DCLK2: variants seen among roughly 807,000 people sequenced by gnomAD.
DCLK2 encodes doublecortin like kinase 2.
DCLK2 carries 31 observed loss-of-function variants against 78.4 expected under a neutral mutation model. The ratio of observed to expected loss-of-function variants is 0.40; its 90% CI spans 0.30 to 0.53. The LOEUF (loss-of-function observed/expected upper bound fraction) is 0.53. DCLK2 is among the 20% of genes least tolerant of loss of function. The probability of loss-of-function intolerance (pLI) is 0.61; values close to 1 mark genes in which losing one functional copy is unlikely to be tolerated. For synonymous variants in DCLK2, 407 were observed against 374.9 expected (o/e 1.09, Z -0.99); for missense variants, 872 against 973.7 (o/e 0.90, Z 1.39).
chr4:150,185,437 A>C (rs1270057470), intron 2 of DCLK2, among the ~76,000 whole-genome samples: 2 of 151,646 alleles, frequency 1.3e-5, no homozygotes, highest in Admixed American at 1.3e-4. Flanking sequence ...TTTTTTAATC[A>C]GACCTCGCCT....
intron 1 of DCLK2, among the ~76,000 whole-genome samples, chr4:150,095,735 C>A (rs775341924): frequency 7.9e-5 from 12 of 152,116 alleles, no homozygotes; most frequent in Non-Finnish European, 1.8e-4. Flanking sequence ...GTGATTTAAC[C>A]AATTTAAAAG....
At chr4:150,148,329 C>T (rs1443344610) in intron 2 of DCLK2, among the ~76,000 whole-genome samples, 1 of 150,616 alleles carries the variant, frequency 6.6e-6, no homozygotes, top group Non-Finnish European at 1.5e-5. Flanking sequence ...GGTGTCATTG[C>T]ACTCCAGCCT....
rs199713933 is a variant in DCLK2, at chr4:150,102,828, C to A, written c.756+16C>A. 46 of 1,573,064 alleles carry A rather than the reference C, an allele frequency of 2.9e-5. No individual in the cohort carries two copies. In the East Asian group the frequency reaches 1.0e-3, roughly 35 times the overall value. On this transcript the variant is annotated intron_variant, in intron 2 of 15. Coordinates refer to ENST00000296550, the MANE Select transcript of DCLK2 (RefSeq NM_001040260.4). ...TGGAAAGCAGGTAAGATGCTTCTAG[C>A]TCCCAGCTCTCCATCTGACTTTTAA... is the stretch of plus-strand genomic sequence containing the variant.
chr4:150,176,029 G>A (rs181515192), intron 2 of DCLK2, among the ~76,000 whole-genome samples: 89 of 152,292 alleles, frequency 5.8e-4, no homozygotes, highest in Non-Finnish European at 1.1e-3. Context: ...GAAGAAGATA[G>A]GTGGCTGGAA....
rs188841527 is a variant in DCLK2, at chr4:150,185,129, T to C, written c.757-8009T>C. Among the ~76,000 whole-genome samples, 269 of 152,308 alleles carry C rather than the reference T, an allele frequency of 1.8e-3. 1 individual carries two copies. The highest frequency in any genetic ancestry group is 6.3e-3 in the African/African-American group (262 of 41,564). The stretch of plus-strand genomic sequence containing the variant: ...GGTTTAATTGACTCACGGTTCAGCA[T>C]GGCTGGGGAGGCCTCAGGAAACTTA... On this transcript the variant is annotated intron_variant, in intron 2 of 15. Transcript: ENST00000296550.
intron 5 of DCLK2, among the ~76,000 whole-genome samples, chr4:150,208,025 C>T (rs1055454582): frequency 7.2e-5 from 11 of 152,090 alleles, no homozygotes; most frequent in Admixed American, 2.6e-4. Context: ...AAGAGGCTTC[C>T]GGCTCAACCG....
At chr4:150,123,856 A>G (rs1732738819) in intron 2 of DCLK2, among the ~76,000 whole-genome samples, 1 of 152,106 alleles carries the variant, frequency 6.6e-6, no homozygotes, top group Admixed American at 6.6e-5. Context: ...AGCTTGGGCA[A>G]TTAGTGAGAC....
intron 15 of DCLK2, among the ~76,000 whole-genome samples, chr4:150,250,465 A>G (rs946531506): frequency 7.2e-5 from 11 of 152,090 alleles, no homozygotes; most frequent in Non-Finnish European, 1.2e-4. Context: ...GTGAGCAGGT[A>G]GAAGCCAGCC....
chr4:150,202,615 T>C (rs1206403402), intron 4 of DCLK2, among the ~76,000 whole-genome samples: 1 of 152,180 alleles, frequency 6.6e-6, no homozygotes, highest in Non-Finnish European at 1.5e-5. Flanking sequence ...TACCTGTGCA[T>C]TTGGTTTTTT....
At chr4:150,127,731 T>G (rs1450653584) in intron 2 of DCLK2, among the ~76,000 whole-genome samples, 2 of 152,224 alleles carry the variant, frequency 1.3e-5, no homozygotes, top group Non-Finnish European at 2.9e-5. Context: ...TTTGATTCTT[T>G]GCACACATCT....
At chr4:150,186,918 GTGTGT>G (rs1737994536) in intron 2 of DCLK2, among the ~76,000 whole-genome samples, 1 of 151,640 alleles carries the variant, frequency 6.6e-6, no homozygotes, top group African/African-American at 2.4e-5. Context: ...GTGTGTGTGT[GTGTGT>G]GTGTGTAGTC....
chr4:150,080,374 T>A (rs1015548332), intron 1 of DCLK2, among the ~76,000 whole-genome samples: 4 of 152,174 alleles, frequency 2.6e-5, no homozygotes, highest in Non-Finnish European at 5.9e-5. Context: ...ATTCCTGCAA[T>A]ACGTATGCCT....
intron 13 of DCLK2, 71 bp downstream of exon 13, chr4:150,247,770 C>G: frequency 8.1e-7 from 1 of 1,239,512 alleles, no homozygotes; most frequent in Non-Finnish European, 1.2e-6. Context: ...AGGGCTGTAG[C>G]TGCGCTAGGT....
intron 2 of DCLK2, among the ~76,000 whole-genome samples, chr4:150,148,009 T>C (rs961470994): frequency 1.4e-4 from 21 of 152,226 alleles, no homozygotes; most frequent in African/African-American, 4.8e-4. Flanking sequence ...GGAGAAATCC[T>C]CTTATTTTAG....
chr4:150,208,868 A>G (rs1580719700), intron 5 of DCLK2, among the ~76,000 whole-genome samples: 2 of 152,344 alleles, frequency 1.3e-5, no homozygotes, highest in East Asian at 3.9e-4. Context: ...TTTGGAAGAC[A>G]GTACTCAGTG....
chr4:150,232,767 C>A lies in DCLK2; in HGVS notation c.1505C>A (p.Ala502Asp). The change falls in exon 10 of 16, where the codon GCC (alanine) becomes GAC (aspartate). Residue 502 changes from alanine to aspartate, a missense_variant. Ala to Asp is a moderately radical substitution (Grantham distance 126, BLOSUM62 -2). Around this residue, in one of 3 missense-constraint regions of DCLK2, gnomAD observed 86 missense variants for 150.3 expected, o/e 0.57. Coordinates refer to ENST00000296550, the MANE Select transcript of DCLK2 (RefSeq NM_001040260.4). The stretch of plus-strand genomic sequence containing the variant: ...GCCATGGTGTACAACTTAGCCAATG[C>A]CCTCAGGTATCTCCATGGCCTCAGC... ...GSAMVYNLAN[A>D]LRYLHGLSIV... The A allele has an allele frequency of 1.2e-6, 2 of 1,614,102 alleles. No individual in the cohort carries two copies. Among genetic ancestry groups the A allele is most frequent in the Non-Finnish European group, 1.7e-6 (2 of 1,180,012 alleles).
At chr4:150,194,277 A>G (rs917959666) in intron 3 of DCLK2, among the ~76,000 whole-genome samples, 7 of 152,140 alleles carry the variant, frequency 4.6e-5, no homozygotes, top group African/African-American at 1.7e-4. Context: ...CAGGAGCAAT[A>G]GACTATACCA....
chr4:150,156,402 T>G (rs1215331307), intron 2 of DCLK2, among the ~76,000 whole-genome samples: 3 of 151,910 alleles, frequency 2.0e-5, no homozygotes, highest in Non-Finnish European at 2.9e-5. Context: ...ATCTTAGCAC[T>G]TTTTGAGGCT....
intron 4 of DCLK2, among the ~76,000 whole-genome samples, chr4:150,199,427 G>T (rs1029532244): frequency 1.3e-5 from 2 of 152,150 alleles, no homozygotes; most frequent in African/African-American, 4.8e-5. Flanking sequence ...AGCCATAGAA[G>T]CAATTTTGAT....
Sources: allele counts gnomAD v4.1 joint callset (sites outside exome capture counted in the v4.1 genomes callset), GRCh38; gene constraint gnomAD v4.1.1; regional missense constraint gnomAD v4.1.1; transcripts MANE v1.5; gene names NCBI Gene and HGNC (gene_info 2026-07-23, HGNC 2026-07-21).